Variants in ARHGEF28 observed in about 807,000 individuals in gnomAD.
ARHGEF28 encodes the protein Rho guanine nucleotide exchange factor 28.
Under a neutral mutation model 206.6 loss-of-function variants are expected in ARHGEF28, and 152 were observed. That is an observed-to-expected ratio of 0.74 (90% CI 0.64 to 0.84). The LOEUF is 0.84. ARHGEF28 is among the 40% of genes least tolerant of loss of function. ARHGEF28 has a pLI of 0.00. For synonymous variants in ARHGEF28, 763 were observed against 776.4 expected (o/e 0.98, Z 0.29); for missense variants, 2,028 against 2,073.2 (o/e 0.98, Z 0.42).
At chr5:73,857,270 T>C (rs931822425) in intron 14 of ARHGEF28, among the ~76,000 whole-genome samples, 1 of 152,190 alleles carries the variant, frequency 6.6e-6, no homozygotes. Context: ...TCTGGGGAAT[T>C]CTTACTAGCA....
At chr5:73,926,298 A>C (rs1763803110) in intron 35 of ARHGEF28, among the ~76,000 whole-genome samples, 1 of 152,192 alleles carries the variant, frequency 6.6e-6, no homozygotes, top group South Asian at 2.1e-4. Flanking sequence ...CAAGAGAGAC[A>C]TAGCTTCCTT....
intron 9 of ARHGEF28, among the ~76,000 whole-genome samples, chr5:73,798,606 C>A (rs114720304): frequency 6.6e-6 from 1 of 152,272 alleles, no homozygotes; most frequent in Non-Finnish European, 1.5e-5. Flanking sequence ...GGGCTAAGAT[C>A]TGCTTCTGTT....
chr5:73,868,050 T>C, intron 19 of ARHGEF28, 30 bp downstream of exon 19: 1 of 1,613,494 alleles, frequency 6.2e-7, no homozygotes, highest in Non-Finnish European at 8.5e-7. Flanking sequence ...TACATATTAA[T>C]GGCTCAGAGA....
intron 35 of ARHGEF28, among the ~76,000 whole-genome samples, chr5:73,932,014 G>A (rs920367846): frequency 2.0e-5 from 3 of 152,156 alleles, no homozygotes; most frequent in Admixed American, 6.5e-5. Context: ...AAAAACAAAC[G>A]TAAATGGTGA....
chr5:73,687,714 C>T (rs1205002125), intron 2 of ARHGEF28, among the ~76,000 whole-genome samples: 1 of 151,640 alleles, frequency 6.6e-6, no homozygotes, highest in African/African-American at 2.4e-5. Flanking sequence ...TTCATAAGCC[C>T]TTAATATTTT....
chr5:73,885,941 G>A lies in ARHGEF28; in HGVS notation c.3147G>A (p.Glu1049=), dbSNP rs748495154. The change falls in exon 25 of 36, where the codon GAG becomes GAA. Residue 1049 remains glutamate, a synonymous_variant. Coordinates refer to ENST00000513042, the MANE Select transcript of ARHGEF28 (RefSeq NM_001177693.2). ...ATVDLKVNEY[E]KNQKWLEILN... is the part of the protein sequence containing the mutation. ...TGGATTTAAAAGTCAATGAATATGA[G>A]AAAAACCAAAAATGGCTTGAGATCC... 1.6e-5 allele frequency: 26 copies of A among 1,613,188 alleles called. No homozygotes were observed. The highest frequency in any genetic ancestry group is 2.0e-5 in the Non-Finnish European group (24 of 1,179,648).
chr5:73,832,672 C>T (rs1757371476), intron 10 of ARHGEF28, among the ~76,000 whole-genome samples: 1 of 152,174 alleles, frequency 6.6e-6, no homozygotes, highest in Non-Finnish European at 1.5e-5. Context: ...CCCAGAGGCA[C>T]TGTCAGGGAG....
intron 10 of ARHGEF28, among the ~76,000 whole-genome samples, chr5:73,834,001 T>C (rs1322244378): frequency 6.6e-6 from 1 of 152,184 alleles, no homozygotes; most frequent in Admixed American, 6.5e-5. Context: ...CACAGGGTAA[T>C]TGGACTTGGT....
chr5:73,886,147 T>G (rs755619438), intron 25 of ARHGEF28, 43 bp downstream of exon 25: 5 of 1,559,964 alleles, frequency 3.2e-6, no homozygotes, highest in Non-Finnish European at 4.3e-6. Flanking sequence ...TCATACACAT[T>G]ATTCATTTAA....
intron 13 of ARHGEF28, among the ~76,000 whole-genome samples, chr5:73,850,215 AAGAT>A (rs1298587367): frequency 1.3e-5 from 2 of 151,910 alleles, no homozygotes; most frequent in African/African-American, 4.8e-5. Flanking sequence ...GTATGAGAAA[AAGAT>A]AGATAAAACA....
chr5:73,650,351 C>G (rs1334896481), intron 1 of ARHGEF28, among the ~76,000 whole-genome samples: 1 of 142,684 alleles, frequency 7.0e-6, no homozygotes, highest in Admixed American at 7.3e-5. Context: ...ATGGCATGGT[C>G]TCAGCTCACT....
At chr5:73,670,420 T>C (rs546659309) in intron 1 of ARHGEF28, among the ~76,000 whole-genome samples, 17 of 152,366 alleles carry the variant, frequency 1.1e-4, no homozygotes, top group Admixed American at 9.8e-4. Context: ...GAAAGACATT[T>C]GGGCTGATTC....
At chr5:73,741,385 G>GTATATATATATATA (rs67973637) in intron 2 of ARHGEF28, among the ~76,000 whole-genome samples, 2 of 21,856 alleles carry the variant, frequency 9.2e-5, no homozygotes, top group African/African-American at 2.5e-4. Flanking sequence ...GTGTGTGTGT[G>GTATATATATATATA]TATATATATA....
At position 73,915,204 on chromosome 5, in the gene ARHGEF28, A is replaced by G. The variant is rs9784666; in HGVS notation, c.4948+3629A>G. ...TAGTAACATTTGGAAAATATTTCTA[A>G]ATGTTTTGGATTACTGTGGCCAACT... On this transcript the variant is annotated intron_variant, in intron 35 of 35. Transcript: ENST00000513042. 3.7e-3 allele frequency among the ~76,000 whole-genome samples: 560 copies of G among 152,108 alleles called. 6 individuals are homozygous for G. The highest frequency in any genetic ancestry group is 0.017 in the Middle Eastern group (5 of 292).
At chr5:73,787,468 A>G (rs919126836) in intron 7 of ARHGEF28, among the ~76,000 whole-genome samples, 1 of 152,124 alleles carries the variant, frequency 6.6e-6, no homozygotes, top group East Asian at 1.9e-4. Context: ...TACACGTGCC[A>G]TGGTGGTTTG....
chr5:73,693,927 G>A (rs1748012438), intron 2 of ARHGEF28, among the ~76,000 whole-genome samples: 2 of 152,070 alleles, frequency 1.3e-5, no homozygotes, highest in African/African-American at 2.4e-5. Flanking sequence ...TAGCCATAGA[G>A]CAAAGAGAGG....
intron 8 of ARHGEF28, 144 bp downstream of exon 8, chr5:73,794,598 C>G: frequency 1.5e-6 from 1 of 661,728 alleles, no homozygotes; most frequent in Non-Finnish European, 2.4e-6. Context: ...ATTCTGTTTT[C>G]TTTTTCTTTC....
chr5:73,776,559 A>G lies in ARHGEF28; in HGVS notation c.703A>G (p.Ser235Gly), dbSNP rs773004965. ...CCCAAGCTTCTCCCGAGTGCAGCTC[A>G]GTGAAGAAGCCTCCTTGCATTACAT... ...WSPSFSRVQL[S>G]EEASLHYIHS... Residue 235 changes from serine to glycine, a missense_variant, in exon 6 of 36, where the codon AGT becomes GGT. Transcript: ENST00000513042. 3.7e-6 allele frequency: 6 copies of G among 1,613,766 alleles called. No homozygotes were observed. Among genetic ancestry groups the G allele is most frequent in the African/African-American group, 1.3e-5 (1 of 74,930 alleles).
chr5:73,693,207 G>C (rs980178298), intron 2 of ARHGEF28, among the ~76,000 whole-genome samples: 1 of 152,082 alleles, frequency 6.6e-6, no homozygotes, highest in African/African-American at 2.4e-5. Context: ...CACTGGTAAC[G>C]ACCTTCCCCA....
Sources: allele counts gnomAD v4.1 joint callset (sites outside exome capture counted in the v4.1 genomes callset), GRCh38; gene constraint gnomAD v4.1.1; transcripts MANE v1.5; gene names NCBI Gene and HGNC (gene_info 2026-07-23, HGNC 2026-07-21).